The following PIGF variants were observed in gnomAD, a reference collection of about 807,000 sequenced individuals.
PIGF encodes the protein GPI ethanolamine phosphate transferase, stabilizing subunit.
PIGF carries 23 observed loss-of-function variants against 26.0 expected under a neutral mutation model. That is an observed-to-expected ratio of 0.88 (90% CI 0.64 to 1.25). The LOEUF is 1.25. Ranked by LOEUF, PIGF falls within the 50% of genes most tolerant of loss-of-function variation. The pLI, the probability that PIGF is intolerant of heterozygous loss-of-function variation, is 0.00. For synonymous variants in PIGF, 93 were observed against 92.6 expected, an observed-to-expected ratio of 1.00 and a Z score of -0.03; for missense variants, 278 against 249.9, an observed-to-expected ratio of 1.11 and a Z score of -0.76.
At chr2:46,583,562 T>C (rs1669475028) in intron 5 of PIGF, among the ~76,000 whole-genome samples, 1 of 152,172 alleles carries the variant, frequency 6.6e-6, no homozygotes, top group Admixed American at 6.5e-5. Flanking sequence ...AAGAGCTTTT[T>C]AATTGCTTTG....
intron 4 of PIGF, among the ~76,000 whole-genome samples, chr2:46,605,375 C>T (rs1289337100): frequency 6.6e-6 from 1 of 151,976 alleles, no homozygotes; most frequent in Non-Finnish European, 1.5e-5. Context: ...ATGAAAAAAC[C>T]AGCCCTCCTC....
intron 4 of PIGF, among the ~76,000 whole-genome samples, chr2:46,609,708 T>C (rs985243386): frequency 4.7e-5 from 7 of 149,970 alleles, no homozygotes; most frequent in African/African-American, 1.7e-4. Context: ...AGAGGGAGGG[T>C]GGGGAAGGGA....
At position 46,588,058 on chromosome 2, in the gene PIGF, A is replaced by G. The variant is rs762025747; in HGVS notation, c.546+4417T>C. 12 of 1,543,122 alleles carry G rather than the reference A, an allele frequency of 7.8e-6. No individual in the cohort carries two copies. The highest frequency in any genetic ancestry group is 1.0e-5 in the Non-Finnish European group (12 of 1,144,404). ...ACACTTGGACTTTCTAGTGTATAAA[A>G]TGGGAGTAAAACCTACCTTGCACTA... is the stretch of plus-strand genomic sequence containing the variant. On this transcript the variant is annotated intron_variant, in intron 5 of 5. Coordinates refer to ENST00000281382, the MANE Select transcript of PIGF (RefSeq NM_002643.4). This position sits in a 1 kb window ranked among gnomAD's most constrained non-coding sequence, Gnocchi z 4.1.
At chr2:46,603,166 A>G (rs375233088) in intron 4 of PIGF, among the ~76,000 whole-genome samples, 1 of 152,092 alleles carries the variant, frequency 6.6e-6, no homozygotes, top group Non-Finnish European at 1.5e-5. Flanking sequence ...GAAGTGAAAT[A>G]TATCTACAAT....
At chr2:46,604,597 AAT>A (rs1277608185) in intron 4 of PIGF, among the ~76,000 whole-genome samples, 1 of 152,082 alleles carries the variant, frequency 6.6e-6, no homozygotes, top group Admixed American at 6.6e-5. Flanking sequence ...TGTTAAATGA[AAT>A]AAGCCAGGAA....
intron 4 of PIGF, among the ~76,000 whole-genome samples, chr2:46,602,558 TAA>T (rs551141432): frequency 6.6e-6 from 1 of 151,884 alleles, no homozygotes; most frequent in South Asian, 2.1e-4. Flanking sequence ...TTAATAATAC[TAA>T]AAGGGCTGTC....
At chr2:46,604,928 T>C (rs897235548) in intron 4 of PIGF, among the ~76,000 whole-genome samples, 4 of 152,024 alleles carry the variant, frequency 2.6e-5, no homozygotes, top group African/African-American at 9.7e-5. Flanking sequence ...ATGTGATTAT[T>C]ATGCATTGTG....
In PIGF at chr2:46,614,094, T is replaced by C. The variant is rs151051491; in HGVS notation, c.229-309A>G. 1,459 of 200,348 alleles carry C rather than the reference T, an allele frequency of 7.3e-3. 6 individuals are homozygous for C. The highest frequency in any genetic ancestry group is 0.01 in the Non-Finnish European group (1,044 of 99,770). The allele number at this position is 200,348 out of a possible 1,614,324, so 12.4% of individuals were successfully genotyped here. A position where few individuals can be genotyped will look rare whatever the true frequency, so the allele number is the denominator to read the frequency against. ...TCATTAATCAATATTTATCAAATAC[T>C]GATTGACATCAGAGAGCTAGGATAC... On this transcript the variant is annotated intron_variant, in intron 2 of 5. Transcript: ENST00000281382.
At chr2:46,591,508 A>G (rs765726088) in intron 5 of PIGF, 17 of 865,918 alleles carry the variant, frequency 2.0e-5, no homozygotes, top group Non-Finnish European at 2.4e-5. Flanking sequence ...TTTTAATACC[A>G]TAATTCTTTT....
At chr2:46,583,798 C>T (rs2104056374) in intron 5 of PIGF, among the ~76,000 whole-genome samples, 1 of 152,234 alleles carries the variant, frequency 6.6e-6, no homozygotes, top group Middle Eastern at 3.4e-3. Context: ...ATTTTACTGA[C>T]ATGAATTTTG....
At chr2:46,597,871 C>T (rs1669938275) in intron 4 of PIGF, among the ~76,000 whole-genome samples, 1 of 152,136 alleles carries the variant, frequency 6.6e-6, no homozygotes, top group Non-Finnish European at 1.5e-5. Context: ...AAAAATTTCA[C>T]AAAAATGTTT....
At chr2:46,603,079 G>C (rs1313344683) in intron 4 of PIGF, among the ~76,000 whole-genome samples, 24 of 151,608 alleles carry the variant, frequency 1.6e-4, no homozygotes, top group Non-Finnish European at 3.2e-4. Flanking sequence ...CAAATAATCT[G>C]AAAAAGAAAT....
chr2:46,612,317 T>C lies in PIGF; in HGVS notation c.348A>G (p.Ala116=). ...CAGTAGTAAAAGTAGACAAAATAAC[T>C]GCAAATAAAAATGTTTCCAATGCCA... ...IELALETFLF[A]VILSTFTTVP... The change falls in exon 4 of 6, where the codon GCA becomes GCG. Residue 116 remains alanine, a synonymous_variant. Transcript: ENST00000281382. 1 of 1,458,738 alleles carries C rather than the reference T, an allele frequency of 6.9e-7. No homozygotes were observed. Among genetic ancestry groups the C allele is most frequent in the South Asian group, 1.4e-5 (1 of 70,762 alleles). The allele number at this position is 1,458,738 out of a possible 1,614,324, so 90.4% of individuals were successfully genotyped here.
intron 5 of PIGF, among the ~76,000 whole-genome samples, chr2:46,583,696 C>G (rs1669478762): frequency 6.6e-6 from 1 of 152,108 alleles, no homozygotes; most frequent in South Asian, 2.1e-4. Flanking sequence ...TGTCTTCATT[C>G]AAAGCTTAGG....
chr2:46,583,891 A>G (rs1158187939), intron 5 of PIGF, among the ~76,000 whole-genome samples: 3 of 152,210 alleles, frequency 2.0e-5, no homozygotes, highest in East Asian at 1.9e-4. Context: ...GTGTTTGCAT[A>G]TAGAGAATTA....
At chr2:46,592,153 G>A (rs1022015973) in intron 5 of PIGF, among the ~76,000 whole-genome samples, 2 of 152,108 alleles carry the variant, frequency 1.3e-5, no homozygotes, top group Non-Finnish European at 2.9e-5. Context: ...AGCATTAGAG[G>A]ACAGCCTGGG....
chr2:46,616,524 G>C lies in PIGF; in HGVS notation c.-22+446C>G, dbSNP rs929544570. On this transcript the variant is annotated intron_variant, in intron 1 of 5. Coordinates refer to ENST00000281382, the MANE Select transcript of PIGF (RefSeq NM_002643.4). ...AGGGAACCAGCACCGGTTAGGCCCT[G>C]GCGTGCCCCCAGGACGCCTGCAGAA... 5.9e-5 allele frequency: 9 copies of C among 153,140 alleles called. 1 individual carries two copies. The highest frequency in any genetic ancestry group is 2.2e-4 in the African/African-American group (9 of 41,468). The allele number at this position is 153,140 out of a possible 1,614,324, so 9.5% of individuals were successfully genotyped here. A position where few individuals can be genotyped will look rare whatever the true frequency, so the allele number is the denominator to read the frequency against.
intron 4 of PIGF, among the ~76,000 whole-genome samples, chr2:46,599,847 G>A (rs1670000309): frequency 6.6e-6 from 1 of 152,012 alleles, no homozygotes. Flanking sequence ...TTTTAGGGTT[G>A]TCATGCCGTT....
chr2:46,596,236 T>C (rs909267519), intron 4 of PIGF, among the ~76,000 whole-genome samples: 2 of 150,256 alleles, frequency 1.3e-5, no homozygotes, highest in East Asian at 1.9e-4. Flanking sequence ...AAAAGATTGA[T>C]GTATGTATCT....
Sources: allele counts gnomAD v4.1 joint callset (sites outside exome capture counted in the v4.1 genomes callset), GRCh38; gene constraint gnomAD v4.1.1; non-coding constraint Gnocchi (gnomAD v3.1); transcripts MANE v1.5; gene names NCBI Gene and HGNC (gene_info 2026-07-23, HGNC 2026-07-21).